Variants in STON2 observed in about 807,000 individuals in gnomAD.
STON2 encodes stonin-2.
A neutral mutation model predicts 65.7 loss-of-function variants in STON2; 29 were observed. The ratio of observed to expected loss-of-function variants is 0.44; its 90% confidence interval spans 0.33 to 0.60. STON2 has a LOEUF of 0.60. STON2 is among the 20% of genes least tolerant of loss of function. STON2 has a pLI of 0.03. For missense variants in STON2, 1,054 were observed against 1,118.1 expected (o/e 0.94, Z 0.82); for synonymous variants, 404 against 414.2 (o/e 0.98, Z 0.30).
upstream of STON2, among the ~76,000 whole-genome samples, chr14:81,404,509 C>A (rs912560836): frequency 9.9e-5 from 15 of 152,110 alleles, no homozygotes; most frequent in African/African-American, 3.6e-4. Flanking sequence ...CACTATATTT[C>A]TTCCTTTTTT....
chr14:81,329,959 T>C (rs1897149516), intron 4 of STON2, among the ~76,000 whole-genome samples: 2 of 152,246 alleles, frequency 1.3e-5, no homozygotes, highest in Middle Eastern at 3.4e-3. Flanking sequence ...GGAATGAAAA[T>C]GCCCTTTGTA....
intron 5 of STON2, among the ~76,000 whole-genome samples, chr14:81,319,030 A>G (rs1192980563): frequency 1.3e-5 from 2 of 152,174 alleles, no homozygotes; most frequent in Non-Finnish European, 2.9e-5. Flanking sequence ...CGAGAATAAC[A>G]TGCTAAAGGT....
intron 5 of STON2, among the ~76,000 whole-genome samples, chr14:81,310,151 G>A (rs1054201949): frequency 1.1e-4 from 17 of 152,076 alleles, no homozygotes; most frequent in African/African-American, 3.9e-4. Flanking sequence ...AAAGACAACG[G>A]TGTAAGTCAC....
intron 5 of STON2, among the ~76,000 whole-genome samples, chr14:81,284,532 T>C (rs1895257305): frequency 6.6e-6 from 1 of 152,024 alleles, no homozygotes; most frequent in Admixed American, 6.5e-5. Flanking sequence ...CTAGCAGAGG[T>C]TGGTTCATGA....
chr14:81,365,748 T>A (rs889341485), intron 4 of STON2, among the ~76,000 whole-genome samples: 1 of 151,858 alleles, frequency 6.6e-6, no homozygotes, highest in African/African-American at 2.4e-5. Context: ...AGAACAAGAC[T>A]CTGTCTCAAA....
At chr14:81,364,731 C>G (rs897020129) in intron 4 of STON2, among the ~76,000 whole-genome samples, 56 of 152,222 alleles carry the variant, frequency 3.7e-4, no homozygotes, top group African/African-American at 1.2e-3. Context: ...AAAGGGGGCA[C>G]AGCGTGACCT....
intron 4 of STON2, among the ~76,000 whole-genome samples, chr14:81,359,785 C>G (rs12434434): frequency 6.6e-6 from 1 of 151,968 alleles, no homozygotes; most frequent in Non-Finnish European, 1.5e-5. Flanking sequence ...AATTCCCTAA[C>G]AAATGTAATC....
At chr14:81,270,468 C>T in intron 7 of STON2, 5 of 1,476,316 alleles carry the variant, frequency 3.4e-6, no homozygotes, top group Non-Finnish European at 4.5e-6. Context: ...TATTTTTTTC[C>T]AACCTTTCTC....
intron 6 of STON2, among the ~76,000 whole-genome samples, chr14:81,276,178 A>C (rs1377772184): frequency 6.6e-6 from 1 of 152,246 alleles, no homozygotes; most frequent in Admixed American, 6.5e-5. Context: ...CCACGGGGGA[A>C]GTAATTGCCT....
intron 3 of STON2, among the ~76,000 whole-genome samples, chr14:81,381,001 A>G (rs567398872): frequency 6.6e-6 from 1 of 152,324 alleles, no homozygotes; most frequent in Non-Finnish European, 1.5e-5. Context: ...AAAAAATTAT[A>G]GCATGGCTTT....
chr14:81,272,594 G>T (rs1894645028), intron 6 of STON2, among the ~76,000 whole-genome samples: 1 of 152,186 alleles, frequency 6.6e-6, no homozygotes, highest in Non-Finnish European at 1.5e-5. Context: ...TTTCACAAAC[G>T]TAACATATTT....
At chr14:81,363,715 G>A (rs931569695) in intron 4 of STON2, among the ~76,000 whole-genome samples, 6 of 152,138 alleles carry the variant, frequency 3.9e-5, no homozygotes, top group Non-Finnish European at 7.4e-5. Context: ...TTTGTAACTA[G>A]GAGAAAGAAT....
chr14:81,365,563 C>T (rs1186434300), intron 4 of STON2, among the ~76,000 whole-genome samples: 1 of 152,062 alleles, frequency 6.6e-6, no homozygotes, highest in African/African-American at 2.4e-5. Context: ...CGAGACCAAA[C>T]TGTCCAACAC....
At chr14:81,311,242 G>C (rs188381291) in intron 5 of STON2, among the ~76,000 whole-genome samples, 1 of 152,190 alleles carries the variant, frequency 6.6e-6, no homozygotes, top group Non-Finnish European at 1.5e-5. Flanking sequence ...GGAGGCAGGA[G>C]AAGAGTATGG....
rs903111779 is a variant in STON2, at chr14:81,265,257, T to G, written c.*3157A>C. 5.1e-6 allele frequency: 5 copies of G among 983,848 alleles called. No individual in the cohort carries two copies. In the East Asian group the frequency reaches 3.4e-4, roughly 67 times the overall value. The allele number at this position is 983,848 out of a possible 1,614,324, so 60.9% of individuals were successfully genotyped here. A position where few individuals can be genotyped will look rare whatever the true frequency, so the allele number is the denominator to read the frequency against. ...TCATTACGTCTAAAAATATATAGTATTATTATCCCCAAACCCCTAAATGCT... is the reference window on the plus strand; with the variant it reads ...TCATTACGTCTAAAAATATATAGTAGTATTATCCCCAAACCCCTAAATGCT... On this transcript the variant is annotated 3_prime_UTR_variant, in exon 8 of 8. Transcript: ENST00000614646.
chr14:81,327,560 T>G (rs1897046185), intron 4 of STON2, among the ~76,000 whole-genome samples: 1 of 152,224 alleles, frequency 6.6e-6, no homozygotes, highest in African/African-American at 2.4e-5. Context: ...CTGGTATTTG[T>G]GCACTTAGCA....
At chr14:81,330,120 ACT>A (rs1400972958) in intron 4 of STON2, among the ~76,000 whole-genome samples, 2 of 151,634 alleles carry the variant, frequency 1.3e-5, no homozygotes, top group East Asian at 1.9e-4. Context: ...AAACATCTAC[ACT>A]CTCTGACGTG....
chr14:81,344,348 T>C (rs537335936), intron 4 of STON2, among the ~76,000 whole-genome samples: 11 of 152,304 alleles, frequency 7.2e-5, no homozygotes, highest in Non-Finnish European at 1.5e-4. Flanking sequence ...TTGGGATATA[T>C]CCTATCAAAC....
intron 4 of STON2, among the ~76,000 whole-genome samples, chr14:81,352,761 A>G (rs902639282): frequency 2.0e-5 from 3 of 152,162 alleles, no homozygotes; most frequent in Non-Finnish European, 4.4e-5. Flanking sequence ...CTTCAGTATT[A>G]CCACATTAGC....
Sources: gnomAD v4.1 joint callset for allele counts (sites outside exome capture counted in the v4.1 genomes callset) on GRCh38, gnomAD v4.1.1 for gene constraint, MANE v1.5 for transcripts, NCBI Gene and HGNC (gene_info 2026-07-23, HGNC 2026-07-21) for gene names.